DENND4C: variants seen among roughly 807,000 people sequenced by gnomAD.
DENND4C encodes the protein DENN domain containing 4C, also known as DENN domain-containing protein 4C.
Under a neutral mutation model 203.0 loss-of-function variants are expected in DENND4C, and 108 were observed. The observed-to-expected ratio is 0.53, with a 90% confidence interval of 0.46 to 0.62. The LOEUF (loss-of-function observed/expected upper bound fraction) is 0.62, where lower values mean the gene tolerates loss of function less well. DENND4C is among the 20% of genes least tolerant of loss of function. The pLI, the probability that DENND4C is intolerant of heterozygous loss-of-function variation, is 0.00. For synonymous variants in DENND4C, 871 were observed against 792.4 expected, an observed-to-expected ratio of 1.10 and a Z score of -1.67; for missense variants, 2,481 against 2,301.2, an observed-to-expected ratio of 1.08 and a Z score of -1.60.
chr9:19,346,391 C>T lies in DENND4C; in HGVS notation c.3622C>T (p.Leu1208=). 1 of 1,614,040 alleles carries T rather than the reference C, an allele frequency of 6.2e-7. No homozygotes were observed. Among genetic ancestry groups the T allele is most frequent in the African/African-American group, 1.3e-5 (1 of 74,986 alleles). Residue 1208 remains leucine (L), a synonymous_variant, in exon 23 of 33, where the codon CTA becomes TTA. Transcript: ENST00000434457. ...TGCAACAGTAGATACATATGAGAGT[C>T]TACTAAGTGATAGTAACAGTAATCA... The part of the protein sequence containing the change: ...TTATVDTYES[L]LSDSNSNQSR...
intron 1 of DENND4C, among the ~76,000 whole-genome samples, chr9:19,249,282 C>T (rs372010064): frequency 3.5e-4 from 53 of 149,710 alleles, no homozygotes; most frequent in African/African-American, 1.2e-3. Flanking sequence ...GATGAAGTCT[C>T]GCTCTTATCC....
intron 4 of DENND4C, among the ~76,000 whole-genome samples, chr9:19,289,826 C>T (rs1351641919): frequency 5.6e-4 from 21 of 37,224 alleles, no homozygotes; most frequent in Non-Finnish European, 7.7e-4. Flanking sequence ...AAGATCCTGT[C>T]TCAAAAAAAA....
At chr9:19,252,876 C>T (rs923989076) in intron 1 of DENND4C, among the ~76,000 whole-genome samples, 1 of 152,130 alleles carries the variant, frequency 6.6e-6, no homozygotes, top group Non-Finnish European at 1.5e-5. Context: ...TCTAGGACCA[C>T]AGGCACGAGC....
intron 1 of DENND4C, among the ~76,000 whole-genome samples, chr9:19,260,818 G>A (rs1369356156): frequency 6.6e-6 from 1 of 152,152 alleles, no homozygotes; most frequent in Non-Finnish European, 1.5e-5. Flanking sequence ...TTAACTTGAT[G>A]TGATCCTATT....
chr9:19,364,473 G>A (rs1171913981), intron 30 of DENND4C, among the ~76,000 whole-genome samples: 1 of 152,156 alleles, frequency 6.6e-6, no homozygotes, highest in Admixed American at 6.5e-5. Context: ...GATACTTACT[G>A]TAAGATTTTT....
chr9:19,311,587 C>G (rs1398975433), intron 10 of DENND4C, among the ~76,000 whole-genome samples: 1 of 152,078 alleles, frequency 6.6e-6, no homozygotes, highest in African/African-American at 2.4e-5. Flanking sequence ...AGACCAATAA[C>G]TCTATAGAAA....
rs1482293463 is a variant in DENND4C, at chr9:19,347,079, A to G, written c.4310A>G (p.Asp1437Gly). 1.2e-6 allele frequency: 2 copies of G among 1,612,224 alleles called. No individual in the cohort carries two copies. The highest frequency in any genetic ancestry group is 1.3e-5 in the African/African-American group (1 of 74,882). The change falls in exon 23 of 33, where the codon GAT becomes GGT. Residue 1437 changes from aspartate (D) to glycine (G), a missense_variant. This residue lies in a region of DENND4C where 2,289 missense variants were observed against 2,113.3 expected (regional missense o/e 1.08). Transcript: ENST00000434457. Reference sequence around the variant, plus strand: ...GTTGCGTCTGCCTACAGCTACTCAGATGATGAGGTAAGAAAGCTTTATGTG... The same window carrying G: ...GTTGCGTCTGCCTACAGCTACTCAGGTGATGAGGTAAGAAAGCTTTATGTG... Reference protein sequence around the residue: ...VAVASAYSYSDDEEETNRDYS... With the variant: ...VAVASAYSYSGDEEETNRDYS...
At position 19,369,919 on chromosome 9, in the gene DENND4C, G is replaced by C. The variant is rs772021081; in HGVS notation, c.5607G>C (p.Gln1869His). Residue 1869 changes from glutamine (Q) to histidine (H), a missense_variant, in exon 31 of 33, where the codon CAG (glutamine) becomes CAC (histidine). Physicochemically the swap from Gln to His is conservative, Grantham distance 24. This residue lies in a region of DENND4C where 2,289 missense variants were observed against 2,113.3 expected (regional missense o/e 1.08). Coordinates refer to ENST00000434457, the MANE Select transcript of DENND4C (RefSeq NM_001330640.2). The stretch of plus-strand genomic sequence containing the variant: ...TAGAAACCATCAGGCAGAGTATTCA[G>C]CACAATAATGTTCTTAAACCCATCA... ...TLVETIRQSI[Q>H]HNNVLKPINL... is the part of the protein sequence containing the mutation. 5 of 1,613,882 alleles carry C rather than the reference G, an allele frequency of 3.1e-6. No homozygotes were observed. In the South Asian group the frequency reaches 5.5e-5, roughly 18 times the overall value.
chr9:19,306,177 G>A (rs1449202064), intron 10 of DENND4C, among the ~76,000 whole-genome samples: 1 of 152,182 alleles, frequency 6.6e-6, no homozygotes, highest in Non-Finnish European at 1.5e-5. Context: ...TATTAAAAAT[G>A]TTCTTATGTT....
chr9:19,318,687 G>C (rs895246229), intron 12 of DENND4C, among the ~76,000 whole-genome samples: 5 of 152,172 alleles, frequency 3.3e-5, no homozygotes, highest in African/African-American at 1.2e-4. Context: ...TTGGCTTGTA[G>C]ATAGGTATTT....
intron 3 of DENND4C, among the ~76,000 whole-genome samples, chr9:19,288,322 T>C (rs1355581519): frequency 6.6e-6 from 1 of 152,218 alleles, no homozygotes; most frequent in Admixed American, 6.5e-5. Flanking sequence ...GTGCTGTGTC[T>C]TACAAGAAGG....
intron 9 of DENND4C, among the ~76,000 whole-genome samples, chr9:19,300,552 A>G (rs532969194): frequency 3.9e-5 from 6 of 152,318 alleles, no homozygotes; most frequent in Admixed American, 2.6e-4. Context: ...AAAAACGTCA[A>G]TTTCCAATTT....
chr9:19,312,003 A>C (rs1840825906), intron 10 of DENND4C, among the ~76,000 whole-genome samples: 2 of 152,246 alleles, frequency 1.3e-5, no homozygotes, highest in Non-Finnish European at 2.9e-5. Context: ...CAGATGTCCC[A>C]GACTTGTTAA....
intron 12 of DENND4C, 101 bp from the exon 13 acceptor site, chr9:19,324,261 A>G: frequency 1.2e-6 from 1 of 805,406 alleles, no homozygotes; most frequent in Non-Finnish European, 1.9e-6. Flanking sequence ...ATATATGTAT[A>G]TATAAAGAGA....
At position 19,363,714 on chromosome 9, in the gene DENND4C, A is replaced by G. The variant is rs570750540; in HGVS notation, c.5524+1751A>G. Among the ~76,000 whole-genome samples, 3 of 151,938 alleles carry G rather than the reference A, an allele frequency of 2.0e-5. No individual in the cohort carries two copies. The South Asian group carries it at 6.2e-4, about 32-fold the overall frequency. ...AAGTGAAATATAACTTTATATTTTA[A>G]AAAAGGAAAATGTAGGCCTGGCACG... On this transcript the variant is annotated intron_variant, in intron 30 of 32. Coordinates refer to ENST00000434457, the MANE Select transcript of DENND4C (RefSeq NM_001330640.2).
At chr9:19,331,619 G>A (rs1273680264) in intron 16 of DENND4C, among the ~76,000 whole-genome samples, 1 of 152,198 alleles carries the variant, frequency 6.6e-6, no homozygotes, top group Non-Finnish European at 1.5e-5. Flanking sequence ...CTTTAGTGAA[G>A]AGAAGAGTGA....
chr9:19,302,290 A>G (rs1186861841), intron 9 of DENND4C, among the ~76,000 whole-genome samples: 1 of 152,252 alleles, frequency 6.6e-6, no homozygotes, highest in Non-Finnish European at 1.5e-5. Context: ...GAATTAAGGG[A>G]GACCCATAGC....
chr9:19,370,001 A>AT lies in DENND4C; in HGVS notation c.5675+20dup. ...GAAAAGACAAAGGTAATAATCCAGT[A>AT]TTTTTTGCTTGCCACCACTCAGTCA... On this transcript the variant is annotated intron_variant, in intron 31 of 32. Transcript: ENST00000434457. 6.2e-7 allele frequency: 1 copy of AT among 1,611,834 alleles called. No individual in the cohort carries two copies. The highest frequency in any genetic ancestry group is 8.5e-7 in the Non-Finnish European group (1 of 1,179,238).
At chr9:19,314,484 G>A (rs534447412) in intron 10 of DENND4C, among the ~76,000 whole-genome samples, 1 of 151,960 alleles carries the variant, frequency 6.6e-6, no homozygotes. Flanking sequence ...TGGGTGATGG[G>A]TGCACCTAAA....
Sources: gnomAD v4.1 joint callset for allele counts (sites outside exome capture counted in the v4.1 genomes callset) on GRCh38, gnomAD v4.1.1 for gene constraint, gnomAD v4.1.1 regional missense constraint, MANE v1.5 for transcripts, NCBI Gene and HGNC (gene_info 2026-07-23, HGNC 2026-07-21) for gene names.